NAV2: variants seen among roughly 807,000 people sequenced by gnomAD.
The protein encoded by NAV2 is helicase, APC down-regulated 1.
NAV2 carries 54 observed loss-of-function variants against 223.2 expected under a neutral mutation model. The ratio of observed to expected loss-of-function variants is 0.24; its 90% CI spans 0.19 to 0.30. The LOEUF (loss-of-function observed/expected upper bound fraction) is 0.30. Ranked by LOEUF, NAV2 falls within the 10% of genes least tolerant of loss-of-function variation. NAV2 has a pLI of 1.00. For missense variants in NAV2, 2,806 were observed against 3,147.5 expected (o/e 0.89, Z 2.60); for synonymous variants, 1,279 against 1,239.3 (o/e 1.03, Z -0.67).
chr11:19,475,363 T>C (rs974897153), intron 1 of NAV2, among the ~76,000 whole-genome samples: 4 of 152,200 alleles, frequency 2.6e-5, no homozygotes, highest in African/African-American at 9.7e-5. Flanking sequence ...ATGCAAATAC[T>C]GCTGCCTTTG....
intron 1 of NAV2, among the ~76,000 whole-genome samples, chr11:19,591,587 T>C (rs769331538): frequency 9.2e-5 from 14 of 152,210 alleles, no homozygotes; most frequent in Non-Finnish European, 1.3e-4. Context: ...CAGATGTAGA[T>C]CCTGACCATG....
intron 1 of NAV2, among the ~76,000 whole-genome samples, chr11:19,630,210 A>G (rs2047304835): frequency 6.6e-6 from 1 of 152,320 alleles, no homozygotes; most frequent in East Asian, 1.9e-4. Flanking sequence ...AGAACTCATT[A>G]AAATCTGTGT....
At position 19,933,233 on chromosome 11, in the gene NAV2, C is replaced by T; in HGVS notation, c.989C>T (p.Ser330Phe). 1 of 1,591,456 alleles carries T rather than the reference C, an allele frequency of 6.3e-7. No homozygotes were observed. The highest frequency in any genetic ancestry group is 1.3e-5 in the African/African-American group (1 of 74,228). ...GGAATGAGTGACAATGCACCTGCTT[C>T]CTTGGAGAGCGGCAGCAGCTCCACC... ...HPGMSDNAPA[S>F]LESGSSSTPT... Residue 330 changes from serine (S) to phenylalanine (F), a missense_variant, in exon 7 of 38, where the codon TCC (serine) becomes TTC (phenylalanine). By Grantham distance (155) the Ser-to-Phe change is radical. Around this residue, in one of 4 missense-constraint regions of NAV2, gnomAD observed 1,167 missense variants for 1,180.5 expected, o/e 0.99. Transcript: ENST00000349880. The surrounding 1 kb of genome is among the most constrained non-coding windows in gnomAD (Gnocchi z 4.3).
chr11:20,046,278 G>A (rs2057413187), intron 14 of NAV2, among the ~76,000 whole-genome samples: 2 of 151,412 alleles, frequency 1.3e-5, no homozygotes, highest in East Asian at 1.9e-4. Context: ...GGAGGTTGCA[G>A]TGAGCCAAGA....
chr11:19,720,866 C>A (rs2050695126), intron 1 of NAV2, among the ~76,000 whole-genome samples: 1 of 152,202 alleles, frequency 6.6e-6, no homozygotes, highest in South Asian at 2.1e-4. Context: ...TGACCTTCAA[C>A]AAATCACATT....
chr11:19,598,615 T>C (rs1371123839), intron 1 of NAV2, among the ~76,000 whole-genome samples: 4 of 152,136 alleles, frequency 2.6e-5, no homozygotes, highest in African/African-American at 9.7e-5. Context: ...TTAATATAAT[T>C]ATTACTATCA....
At chr11:19,786,054 A>G (rs867950001) in intron 1 of NAV2, among the ~76,000 whole-genome samples, 1 of 152,194 alleles carries the variant, frequency 6.6e-6, no homozygotes, top group Non-Finnish European at 1.5e-5. Context: ...AAAAAGAAAA[A>G]AAGGGCAAAG....
intron 3 of NAV2, among the ~76,000 whole-genome samples, chr11:19,845,362 T>C (rs559046362): frequency 5.6e-4 from 86 of 152,264 alleles, no homozygotes; most frequent in South Asian, 5.4e-3. Flanking sequence ...AGAAGATATG[T>C]AGAAAGCATG....
intron 1 of NAV2, among the ~76,000 whole-genome samples, chr11:19,499,286 C>T (rs1239981898): frequency 6.6e-6 from 1 of 152,162 alleles, no homozygotes; most frequent in African/African-American, 2.4e-5. Flanking sequence ...CCAGGGGTTA[C>T]AGTAATGATG....
At chr11:20,015,363 G>A (rs1026934771) in intron 11 of NAV2, among the ~76,000 whole-genome samples, 2 of 152,082 alleles carry the variant, frequency 1.3e-5, no homozygotes, top group South Asian at 2.1e-4. Context: ...GGTAATCTAG[G>A]TTTTGCTATT....
chr11:19,605,241 G>T (rs2046445486), intron 1 of NAV2, among the ~76,000 whole-genome samples: 1 of 152,060 alleles, frequency 6.6e-6, no homozygotes, highest in Non-Finnish European at 1.5e-5. Context: ...ACCCACAGCT[G>T]GTTCTGATGT....
At chr11:19,999,001 G>A (rs1289845131) in intron 11 of NAV2, among the ~76,000 whole-genome samples, 1 of 152,210 alleles carries the variant, frequency 6.6e-6, no homozygotes, top group African/African-American at 2.4e-5. Context: ...GTCCAGAGAG[G>A]GTGCTTATTA....
At chr11:20,052,234 C>A (rs1007660598) in intron 17 of NAV2, among the ~76,000 whole-genome samples, 1 of 152,214 alleles carries the variant, frequency 6.6e-6, no homozygotes. Flanking sequence ...TAGTTAATAA[C>A]CTGCAGCTCT....
At chr11:19,382,439 G>C (rs1426490278) in intron 1 of NAV2, among the ~76,000 whole-genome samples, 1 of 152,198 alleles carries the variant, frequency 6.6e-6, no homozygotes, top group East Asian at 1.9e-4. Context: ...ACTTGTCGGG[G>C]AGTCAAGCAG....
chr11:20,022,992 G>A, intron 11 of NAV2: 1 of 1,455,586 alleles, frequency 6.9e-7, no homozygotes, highest in African/African-American at 1.4e-5. Flanking sequence ...GTTGCTGGGT[G>A]CCTGGGATTC....
chr11:20,049,339 C>T, intron 15 of NAV2, 144 bp downstream of exon 15: 1 of 667,926 alleles, frequency 1.5e-6, no homozygotes, highest in Non-Finnish European at 2.5e-6. Context: ...ATGGGGAAGC[C>T]ACTTCAGGAT....
In NAV2 at chr11:20,036,298, A is replaced by G. The variant is rs558310583; in HGVS notation, c.2907+201A>G. On this transcript the variant is annotated intron_variant, in intron 12 of 37. Coordinates refer to ENST00000349880, the MANE Select transcript of NAV2 (RefSeq NM_145117.5). ...AGGGGTCAGGCAGCGGATGGTGGAC[A>G]CGGGAGTAGGGAGGCTTCACCACCC... Among the ~76,000 whole-genome samples the G allele has an allele frequency of 5.3e-5, 8 of 152,330 alleles. No homozygotes were observed. The South Asian group carries it at 1.7e-3, about 32-fold the overall frequency.
chr11:19,549,287 G>A (rs1422339016), intron 1 of NAV2, among the ~76,000 whole-genome samples: 2 of 152,146 alleles, frequency 1.3e-5, no homozygotes, highest in African/African-American at 4.8e-5. Flanking sequence ...AGGAAACCTG[G>A]GATGGTTAAA....
chr11:19,675,997 T>C (rs2048701859), intron 1 of NAV2, among the ~76,000 whole-genome samples: 1 of 152,228 alleles, frequency 6.6e-6, no homozygotes, highest in African/African-American at 2.4e-5. Context: ...TGGGAGGCTC[T>C]GGCTGGGAGT....
Sources: allele counts gnomAD v4.1 joint callset (sites outside exome capture counted in the v4.1 genomes callset), GRCh38; gene constraint gnomAD v4.1.1; regional missense constraint gnomAD v4.1.1; non-coding constraint Gnocchi (gnomAD v3.1); transcripts MANE v1.5; gene names NCBI Gene and HGNC (gene_info 2026-07-23, HGNC 2026-07-21).